CDKL1: variants seen among roughly 807,000 people sequenced by gnomAD.
The protein encoded by CDKL1 is cyclin dependent kinase like 1.
CDKL1 carries 41 observed loss-of-function variants against 42.0 expected under a neutral mutation model. The observed-to-expected ratio is 0.98, with a 90% CI of 0.76 to 1.27. The LOEUF is 1.27. Ranked by LOEUF, CDKL1 falls within the 50% of genes most tolerant of loss-of-function variation. The pLI is 0.00. For synonymous variants in CDKL1, 153 were observed against 158.6 expected, an observed-to-expected ratio of 0.96 and a Z score of 0.26; for missense variants, 394 against 428.4, an observed-to-expected ratio of 0.92 and a Z score of 0.71.
chr14:50,379,311 GACCT>G (rs917521446), intron 2 of CDKL1, among the ~76,000 whole-genome samples: 2 of 152,124 alleles, frequency 1.3e-5, no homozygotes, highest in Admixed American at 1.3e-4. Flanking sequence ...GGGACTGCAG[GACCT>G]ACCACCTGAT....
intron 2 of CDKL1, chr14:50,363,458 A>G (rs1308242898): frequency 1.3e-5 from 2 of 152,410 alleles, no homozygotes; most frequent in African/African-American, 4.8e-5. Flanking sequence ...GTAAACAACC[A>G]GGTTAAAAGG....
chr14:50,331,535 C>T (rs2032942264), intron 9 of CDKL1: 1 of 162,506 alleles, frequency 6.2e-6, no homozygotes, highest in African/African-American at 2.4e-5. Flanking sequence ...ACCCTGGTAC[C>T]ATTCAGCATG....
intron 2 of CDKL1, among the ~76,000 whole-genome samples, chr14:50,370,740 A>G (rs1406434220): frequency 6.6e-6 from 1 of 152,184 alleles, no homozygotes; most frequent in Non-Finnish European, 1.5e-5. Flanking sequence ...GGCATGTCAC[A>G]TGGCAAAACC....
intron 3 of CDKL1, among the ~76,000 whole-genome samples, chr14:50,350,781 G>A (rs767573058): frequency 2.0e-5 from 3 of 152,202 alleles, no homozygotes; most frequent in Non-Finnish European, 4.4e-5. Context: ...GGCTCAAGAA[G>A]GCACTTCCAT....
chr14:50,326,410 T>A lies in CDKL1; in HGVS notation c.*3664A>T. 1 of 964,348 alleles carries A rather than the reference T, an allele frequency of 1.0e-6. No individual in the cohort carries two copies. 59.7% of individuals were successfully genotyped at this position (964,348 alleles called of 1,614,324 possible). The stretch of plus-strand genomic sequence containing the variant: ...TAACTTTAAAGTTAGTGAAGCATAC[T>A]ACCATAAATGCACAATTATGAAAAA... On this transcript the variant is annotated 3_prime_UTR_variant, in exon 10 of 10. Transcript: ENST00000395834.
Position 50,395,979 on chromosome 14 carries a change from G to C in CDKL1, c.-111C>G. On this transcript the variant is annotated 5_prime_UTR_variant, in exon 2 of 10. Coordinates refer to ENST00000395834, the MANE Select transcript of CDKL1 (RefSeq NM_004196.7). ...GCGGGCAGATCACCTGAGGTCAGGAGTTCGAGACCAGTCTGGCCAACATAC... is the reference window on the plus strand; with the variant it reads ...GCGGGCAGATCACCTGAGGTCAGGACTTCGAGACCAGTCTGGCCAACATAC... 1 of 1,104,272 alleles carries C rather than the reference G, an allele frequency of 9.1e-7. No individual in the cohort carries two copies. Among genetic ancestry groups the C allele is most frequent in the Non-Finnish European group, 1.3e-6 (1 of 755,640 alleles). 68.4% of individuals were successfully genotyped at this position (1,104,272 alleles called of 1,614,324 possible).
chr14:50,363,492 G>C (rs188251378), intron 2 of CDKL1, among the ~76,000 whole-genome samples: 1 of 152,312 alleles, frequency 6.6e-6, no homozygotes. Flanking sequence ...CTTTATGATA[G>C]AATTCGCAGA....
At chr14:50,330,389 C>A in intron 9 of CDKL1, 1 of 510,502 alleles carries the variant, frequency 2.0e-6, no homozygotes. Context: ...AAAACATTCA[C>A]ATTAAAGAAG....
intron 2 of CDKL1, chr14:50,378,303 G>C: frequency 7.3e-7 from 1 of 1,366,556 alleles, no homozygotes. Context: ...GGTTGTTGCA[G>C]TGCCTGAGTA....
intron 7 of CDKL1, 179 bp from the exon 8 acceptor site, chr14:50,334,800 C>T (rs2033163528): frequency 1.8e-6 from 1 of 555,140 alleles, no homozygotes; most frequent in African/African-American, 1.9e-5. Flanking sequence ...TTTCTCTCCC[C>T]ACCTCCAAAT....
At position 50,335,735 on chromosome 14, in the gene CDKL1, G is replaced by A. The variant is rs867575730; in HGVS notation, c.739-1114C>T. 9 of 975,348 alleles carry A rather than the reference G, an allele frequency of 9.2e-6. No homozygotes were observed. The East Asian group carries it at 6.2e-4, about 67-fold the overall frequency. 60.4% of individuals were successfully genotyped at this position (975,348 alleles called of 1,614,324 possible). On this transcript the variant is annotated intron_variant, in intron 7 of 9. Coordinates refer to ENST00000395834, the MANE Select transcript of CDKL1 (RefSeq NM_004196.7). Reference sequence around the variant, plus strand: ...TAAAAGTGGCAGTGTGTGAGCTGCCGACTGGAGTGACTGGCCAGGCTCATC... The same window carrying A: ...TAAAAGTGGCAGTGTGTGAGCTGCCAACTGGAGTGACTGGCCAGGCTCATC...
At chr14:50,334,163 T>TC (rs1329488134) in intron 8 of CDKL1, 2 of 156,204 alleles carry the variant, frequency 1.3e-5, no homozygotes, top group East Asian at 3.6e-4. Flanking sequence ...AAGGAGAATT[T>TC]TTTTTTTTTT....
chr14:50,340,368 G>A (rs2033467844), intron 6 of CDKL1, among the ~76,000 whole-genome samples: 1 of 152,212 alleles, frequency 6.6e-6, no homozygotes, highest in Admixed American at 6.5e-5. Flanking sequence ...GAGTTTAGAG[G>A]AGGAAAAGTT....
intron 3 of CDKL1, among the ~76,000 whole-genome samples, chr14:50,348,360 G>C (rs766500683): frequency 6.6e-6 from 1 of 152,142 alleles, no homozygotes; most frequent in Non-Finnish European, 1.5e-5. Flanking sequence ...TCCACTACTG[G>C]GCAGAAGGCT....
intron 4 of CDKL1, 93 bp from the exon 5 acceptor site, chr14:50,342,315 T>G: frequency 6.8e-7 from 1 of 1,478,588 alleles, no homozygotes; most frequent in South Asian, 1.2e-5. Context: ...ATTGGATAAA[T>G]CATTTAAATC....
Position 50,340,924 on chromosome 14 carries a change from A to G in CDKL1, c.655+108T>C, listed in dbSNP as rs1335439011. The G allele has an allele frequency of 2.6e-6, 3 of 1,167,118 alleles. No individual in the cohort carries two copies. In the East Asian group the frequency reaches 7.6e-5, roughly 30 times the overall value. The allele number at this position is 1,167,118 out of a possible 1,614,324, so 72.3% of individuals were successfully genotyped here. A position where few individuals can be genotyped will look rare whatever the true frequency, so the allele number is the denominator to read the frequency against. On this transcript the variant is annotated intron_variant, in intron 6 of 9. Coordinates refer to ENST00000395834, the MANE Select transcript of CDKL1 (RefSeq NM_004196.7). ...GAGGCTTCGAGTTTTCCTCTTTCCT[A>G]ACTAATGCCTTAAAGGGCATTAGGT...
chr14:50,369,596 A>G (rs1359483691), intron 2 of CDKL1, among the ~76,000 whole-genome samples: 1 of 117,286 alleles, frequency 8.5e-6, no homozygotes, highest in Non-Finnish European at 1.7e-5. Flanking sequence ...TATATAATAT[A>G]TATACACACA....
chr14:50,372,755 C>T (rs2034624589), intron 2 of CDKL1, among the ~76,000 whole-genome samples: 4 of 152,140 alleles, frequency 2.6e-5, no homozygotes, highest in Admixed American at 2.6e-4. Flanking sequence ...TGTGGACATC[C>T]AGTTTTCCCA....
intron 4 of CDKL1, among the ~76,000 whole-genome samples, chr14:50,344,263 C>T (rs545653949): frequency 1.3e-5 from 2 of 152,288 alleles, no homozygotes; most frequent in African/African-American, 4.8e-5. Context: ...AAAGCAGACA[C>T]TGGCACTTTG....
Sources: gnomAD v4.1 joint callset for allele counts (sites outside exome capture counted in the v4.1 genomes callset) on GRCh38, gnomAD v4.1.1 for gene constraint, MANE v1.5 for transcripts, NCBI Gene and HGNC (gene_info 2026-07-23, HGNC 2026-07-21) for gene names.